The following WDPCP variants were observed in gnomAD, a reference collection of about 807,000 sequenced individuals.
WDPCP encodes the protein WD repeat-containing and planar cell polarity effector protein fritz homolog.
Under a neutral mutation model 93.1 loss-of-function variants are expected in WDPCP, and 71 were observed. The observed-to-expected ratio is 0.76, with a 90% CI of 0.63 to 0.93. The LOEUF (loss-of-function observed/expected upper bound fraction) is 0.93. Ranked by LOEUF, WDPCP falls within the 40% of genes least tolerant of loss-of-function variation. The pLI is 0.00. For missense variants in WDPCP, 844 were observed against 887.4 expected, an observed-to-expected ratio of 0.95 and a Z score of 0.62; for synonymous variants, 315 against 315.0, an observed-to-expected ratio of 1.00 and a Z score of 0.00.
intron 14 of WDPCP, among the ~76,000 whole-genome samples, chr2:63,202,913 T>C (rs1361652750): frequency 6.6e-6 from 1 of 152,196 alleles, no homozygotes; most frequent in Non-Finnish European, 1.5e-5. Flanking sequence ...TTTTGCTCTG[T>C]TACTAATCTG....
At chr2:63,222,593 G>A (rs941705696) in intron 14 of WDPCP, among the ~76,000 whole-genome samples, 6 of 152,148 alleles carry the variant, frequency 3.9e-5, no homozygotes, top group African/African-American at 1.4e-4. Context: ...AGAGCAGATG[G>A]CACATCTAGG....
At position 63,516,222 on chromosome 2, in the gene WDPCP, T is replaced by C. The variant is rs571893111; in HGVS notation, c.76-23282A>G. On this transcript the variant is annotated intron_variant, in intron 1 of 17. Coordinates refer to ENST00000272321, the MANE Select transcript of WDPCP (RefSeq NM_015910.7). ...TAGACATATTTTGGGGTACATGTGA[T>C]ATTGCAATACATTCATAAATGTGTA... 4.5e-4 allele frequency among the ~76,000 whole-genome samples: 69 copies of C among 152,232 alleles called. 1 individual carries two copies. The highest frequency in any genetic ancestry group is 1.6e-3 in the African/African-American group (68 of 41,502).
At chr2:63,704,455 T>A (rs1054918193) in intron 2 of WDPCP, among the ~76,000 whole-genome samples, 7 of 152,172 alleles carry the variant, frequency 4.6e-5, no homozygotes, top group Admixed American at 2.0e-4. Context: ...ATAGCTCATT[T>A]TTTTGAGATA....
At chr2:63,682,168 G>T (rs1668719652) in intron 2 of WDPCP, among the ~76,000 whole-genome samples, 1 of 152,164 alleles carries the variant, frequency 6.6e-6, no homozygotes, top group Non-Finnish European at 1.5e-5. Context: ...AGGAAAACAT[G>T]ACCTCACCAA....
intron 2 of WDPCP, among the ~76,000 whole-genome samples, chr2:63,770,929 G>A (rs892548194): frequency 2.6e-5 from 4 of 151,718 alleles, no homozygotes; most frequent in African/African-American, 9.7e-5. Context: ...TTTCATTTGA[G>A]ATAAACATTT....
At chr2:63,742,047 C>G (rs558749889) in intron 2 of WDPCP, among the ~76,000 whole-genome samples, 9 of 152,154 alleles carry the variant, frequency 5.9e-5, no homozygotes, top group Admixed American at 5.2e-4. Context: ...AGATCTCAAT[C>G]ATGTGTGCTT....
At chr2:63,732,054 T>C (rs1372539492) in intron 2 of WDPCP, among the ~76,000 whole-genome samples, 1 of 152,110 alleles carries the variant, frequency 6.6e-6, no homozygotes, top group African/African-American at 2.4e-5. Context: ...AGAGGGGAGA[T>C]AGTTAAGGCT....
intron 2 of WDPCP, among the ~76,000 whole-genome samples, chr2:63,656,876 G>A (rs2106634841): frequency 6.6e-6 from 1 of 152,330 alleles, no homozygotes; most frequent in African/African-American, 2.4e-5. Flanking sequence ...TAAGACAAGA[G>A]TAGTCAGGAG....
rs1692026637 is a variant in WDPCP, at chr2:63,378,376, T to C, written c.1748+10A>G. ...AGTCTGACGCTAATCAATCCAAACA[T>C]ATCATTCACCTGAGCAAGTGATGGA... On this transcript the variant is annotated intron_variant, in intron 12 of 17. Transcript: ENST00000272321. 1 of 1,612,700 alleles carries C rather than the reference T, an allele frequency of 6.2e-7. No individual in the cohort carries two copies. Among genetic ancestry groups the C allele is most frequent in the African/African-American group, 1.3e-5 (1 of 74,858 alleles).
At chr2:63,697,380 A>G (rs1326390983) in intron 2 of WDPCP, among the ~76,000 whole-genome samples, 22 of 152,242 alleles carry the variant, frequency 1.4e-4, no homozygotes, top group Non-Finnish European at 3.2e-4. Context: ...AGATAGATCC[A>G]GAGTCCACTC....
intron 2 of WDPCP, among the ~76,000 whole-genome samples, chr2:63,778,173 T>C (rs1223695434): frequency 6.6e-6 from 1 of 152,034 alleles, no homozygotes; most frequent in East Asian, 1.9e-4. Context: ...GTGTTTTCTC[T>C]GGCTAGAGGT....
chr2:63,622,421 A>G, intron 3 of WDPCP: 1 of 1,613,902 alleles, frequency 6.2e-7, no homozygotes, highest in Non-Finnish European at 8.5e-7. Flanking sequence ...TGGAGACACC[A>G]AATAAGCTAG....
At chr2:63,446,573 A>G (rs1180387495) in intron 6 of WDPCP, among the ~76,000 whole-genome samples, 2 of 152,126 alleles carry the variant, frequency 1.3e-5, no homozygotes, top group African/African-American at 2.4e-5. Flanking sequence ...TTCTCACATA[A>G]AGAAAGGGTA....
chr2:63,481,797 G>A (rs1030377176), intron 6 of WDPCP, among the ~76,000 whole-genome samples: 1 of 151,778 alleles, frequency 6.6e-6, no homozygotes, highest in African/African-American at 2.4e-5. Context: ...AGTGAATACT[G>A]CTCGGGTGAT....
rs1319018592 is a variant in WDPCP at position 63,709,422 on chromosome 2, G to A, written n.309-58584C>T. Among the ~76,000 whole-genome samples, 3 of 152,220 alleles carry A rather than the reference G, an allele frequency of 2.0e-5. No homozygotes were observed. In the East Asian group the frequency reaches 5.8e-4, roughly 29 times the overall value. ...TTATCATATTTGACATTTTATTTGG[G>A]GGCTAGATTCATGCACATTTCATAT... On this transcript the variant is annotated intron_variant and non_coding_transcript_variant, in intron 2 of 4. Transcript: ENST00000467687.
At chr2:63,749,292 T>C (rs189757398) in intron 2 of WDPCP, among the ~76,000 whole-genome samples, 44 of 152,180 alleles carry the variant, frequency 2.9e-4, no homozygotes, top group Admixed American at 2.0e-3. Flanking sequence ...AGTTAACAAA[T>C]AGACTCAGAA....
At chr2:63,648,845 A>G (rs1292894378) in intron 3 of WDPCP, among the ~76,000 whole-genome samples, 3 of 152,174 alleles carry the variant, frequency 2.0e-5, no homozygotes, top group Non-Finnish European at 2.9e-5. Context: ...GCCAATTCCA[A>G]TCAAAGATCA....
Position 63,387,344 on chromosome 2 carries a change from T to C in WDPCP, c.1436-5250A>G, listed in dbSNP as rs558189388. 7.9e-5 allele frequency among the ~76,000 whole-genome samples: 12 copies of C among 152,198 alleles called. No individual in the cohort carries two copies. The South Asian group carries it at 2.5e-3, about 32-fold the overall frequency. On this transcript the variant is annotated intron_variant, in intron 10 of 17. Transcript: ENST00000272321. ...AGGTCAACATACACAAATCACTAAA[T>C]GTGATTCATCACATAAACAGAATGA... is the stretch of plus-strand genomic sequence containing the variant.
At chr2:63,815,424 A>G (rs1670919414) in intron 1 of WDPCP, among the ~76,000 whole-genome samples, 1 of 152,248 alleles carries the variant, frequency 6.6e-6, no homozygotes, top group Non-Finnish European at 1.5e-5. Context: ...GAATTACTCT[A>G]CTACGAAATA....
Sources: gnomAD v4.1 joint callset for allele counts (sites outside exome capture counted in the v4.1 genomes callset) on GRCh38, gnomAD v4.1.1 for gene constraint, MANE v1.5 for transcripts, NCBI Gene and HGNC (gene_info 2026-07-23, HGNC 2026-07-21) for gene names.